DNAAF4: variants seen among roughly 807,000 people sequenced by gnomAD.
DNAAF4 encodes the protein dynein assembly factor 4, axonemal.
Under a neutral mutation model 51.8 loss-of-function variants are expected in DNAAF4, and 43 were observed. The observed-to-expected ratio is 0.83, with a 90% CI of 0.65 to 1.07. The LOEUF is 1.07. Among genes scored for constraint, DNAAF4 ranks in the 50% least tolerant of loss-of-function variants. The probability of loss-of-function intolerance (pLI) is 0.00; values close to 1 mark genes in which losing one functional copy is unlikely to be tolerated. For synonymous variants in DNAAF4, 194 were observed against 165.6 expected, an observed-to-expected ratio of 1.17 and a Z score of -1.32; for missense variants, 581 against 493.0, an observed-to-expected ratio of 1.18 and a Z score of -1.69.
chr15:55,486,401 C>T (rs1162713311), intron 4 of DNAAF4, among the ~76,000 whole-genome samples: 2 of 151,996 alleles, frequency 1.3e-5, no homozygotes, highest in Admixed American at 1.3e-4. Flanking sequence ...ACCATATTGA[C>T]CAGGCTGATC....
At chr15:55,460,336 C>T (rs185571948) in intron 5 of DNAAF4, among the ~76,000 whole-genome samples, 3 of 152,042 alleles carry the variant, frequency 2.0e-5, no homozygotes, top group African/African-American at 4.8e-5. Context: ...CGTGCCAGCA[C>T]GCCCGGCTAA....
chr15:55,488,345 T>C (rs1454719158), intron 4 of DNAAF4, among the ~76,000 whole-genome samples: 2 of 152,218 alleles, frequency 1.3e-5, no homozygotes, highest in South Asian at 2.1e-4. Context: ...AAACCACTTA[T>C]TTTTGGTAGA....
chr15:55,494,199 T>C lies in DNAAF4; in HGVS notation c.272-2943A>G, dbSNP rs182346745. On this transcript the variant is annotated intron_variant, in intron 3 of 9. Coordinates refer to ENST00000321149, the MANE Select transcript of DNAAF4 (RefSeq NM_130810.4). ...TATGCGCCACCATGCCCGGCTAATTTTGTATTTTTAGTAGAGACGGGGTTT... is the reference window on the plus strand; with the variant it reads ...TATGCGCCACCATGCCCGGCTAATTCTGTATTTTTAGTAGAGACGGGGTTT... Among the ~76,000 whole-genome samples, 1,216 of 151,902 alleles carry C rather than the reference T, an allele frequency of 8.0e-3. 8 individuals carry two copies. The highest frequency in any genetic ancestry group is 0.013 in the Non-Finnish European group (864 of 67,972).
chr15:55,499,327 A>G (rs981935390), intron 1 of DNAAF4, among the ~76,000 whole-genome samples: 22 of 152,150 alleles, frequency 1.4e-4, no homozygotes, highest in Non-Finnish European at 2.8e-4. Flanking sequence ...GCCTCAACCA[A>G]TCAGGGCTCA....
chr15:55,431,420 A>C (rs1194264344), intron 9 of DNAAF4, among the ~76,000 whole-genome samples: 1 of 151,716 alleles, frequency 6.6e-6, no homozygotes. Context: ...GGATGACCGA[A>C]GAAGCTCTCT....
chr15:55,450,193 G>T, intron 6 of DNAAF4, 29 bp downstream of exon 6: 2 of 1,552,970 alleles, frequency 1.3e-6, no homozygotes, highest in South Asian at 1.2e-5. Flanking sequence ...TTCATTTGTG[G>T]TAATTGTAAC....
chr15:55,422,900 G>C (rs1486059234), intron 7 of DNAAF4, among the ~76,000 whole-genome samples: 1 of 152,106 alleles, frequency 6.6e-6, no homozygotes, highest in Non-Finnish European at 1.5e-5. Flanking sequence ...GGGAGGCTGA[G>C]GCAGGAGAAT....
chr15:55,424,311 C>T (rs1401498595), intron 7 of DNAAF4, among the ~76,000 whole-genome samples: 7 of 152,260 alleles, frequency 4.6e-5, no homozygotes, highest in African/African-American at 1.7e-4. Context: ...TGCATGTAGT[C>T]CCTTAATCTT....
At position 55,478,635 on chromosome 15, in the gene DNAAF4, C is replaced by G. The variant is rs80136137; in HGVS notation, c.406-11474G>C. 3.7e-3 allele frequency among the ~76,000 whole-genome samples: 565 copies of G among 152,282 alleles called. 3 individuals carry two copies. The highest frequency in any genetic ancestry group is 0.013 in the African/African-American group (551 of 41,564). On this transcript the variant is annotated intron_variant, in intron 4 of 9. Transcript: ENST00000321149. ...ATCTTGGGCCCTTGAGAAAATATCC[C>G]CACCCAAATCTCCAACTATAAGAGA...
intron 1 of DNAAF4, among the ~76,000 whole-genome samples, chr15:55,500,692 C>T (rs1022944036): frequency 5.9e-5 from 9 of 152,068 alleles, no homozygotes; most frequent in African/African-American, 2.2e-4. Context: ...TGAATTATAC[C>T]TTAAAAACTT....
At chr15:55,487,738 G>A (rs1182921204) in intron 4 of DNAAF4, among the ~76,000 whole-genome samples, 1 of 151,996 alleles carries the variant, frequency 6.6e-6, no homozygotes, top group Non-Finnish European at 1.5e-5. Flanking sequence ...TGAAGTCAGT[G>A]AGACCAAGAA....
intron 7 of DNAAF4, among the ~76,000 whole-genome samples, chr15:55,436,356 T>C (rs2057610307): frequency 6.6e-6 from 1 of 152,170 alleles, no homozygotes; most frequent in East Asian, 1.9e-4. Context: ...AATGCCTATT[T>C]AAGTTCTTTG....
At chr15:55,490,720 G>A (rs1222931694) in intron 4 of DNAAF4, among the ~76,000 whole-genome samples, 1 of 152,120 alleles carries the variant, frequency 6.6e-6, no homozygotes, top group Non-Finnish European at 1.5e-5. Context: ...TTGGGAGGCC[G>A]AGACGGGCAG....
chr15:55,427,490 T>TG (rs1035010817), downstream of DNAAF4, among the ~76,000 whole-genome samples: 7 of 152,018 alleles, frequency 4.6e-5, no homozygotes, highest in South Asian at 2.1e-4. Context: ...AGTTCCTGGT[T>TG]GGGGGGGCCA....
chr15:55,504,119 T>C (rs1200799456), intron 1 of DNAAF4, among the ~76,000 whole-genome samples: 1 of 152,172 alleles, frequency 6.6e-6, no homozygotes, highest in Non-Finnish European at 1.5e-5. Context: ...CAAGCGTTCC[T>C]ATACACCATT....
chr15:55,494,575 C>T (rs775092383), intron 3 of DNAAF4, among the ~76,000 whole-genome samples: 23 of 151,732 alleles, frequency 1.5e-4, no homozygotes, highest in African/African-American at 4.8e-4. Flanking sequence ...CCACGCCTGA[C>T]GAAGTTTTGT....
At chr15:55,472,554 G>A (rs1006827260) in intron 4 of DNAAF4, among the ~76,000 whole-genome samples, 1 of 151,926 alleles carries the variant, frequency 6.6e-6, no homozygotes, top group Non-Finnish European at 1.5e-5. Context: ...GGAGGCAGAG[G>A]TTACAGTGAG....
At chr15:55,454,101 G>T (rs114952531) in intron 5 of DNAAF4, among the ~76,000 whole-genome samples, 6,150 of 151,826 alleles carry the variant, frequency 0.041, 420 homozygotes, top group African/African-American at 0.14. Flanking sequence ...AGGAATTCAA[G>T]ATCAGCGTGG....
At chr15:55,442,382 G>C (rs568671491) in intron 6 of DNAAF4, among the ~76,000 whole-genome samples, 2 of 152,218 alleles carry the variant, frequency 1.3e-5, no homozygotes, top group African/African-American at 4.8e-5. Context: ...GCCTCCTAAA[G>C]TGCTGGGATT....
Sources: gnomAD v4.1 joint callset for allele counts (sites outside exome capture counted in the v4.1 genomes callset) on GRCh38, gnomAD v4.1.1 for gene constraint, MANE v1.5 for transcripts, NCBI Gene and HGNC (gene_info 2026-07-23, HGNC 2026-07-21) for gene names.